The following ANKRD13C variants were observed in gnomAD, a reference collection of about 807,000 sequenced individuals.
ANKRD13C encodes the protein ankyrin repeat domain 13C.
Under a neutral mutation model 65.5 loss-of-function variants are expected in ANKRD13C, and 16 were observed. The observed-to-expected ratio is 0.24, with a 90% CI of 0.17 to 0.37. The LOEUF (loss-of-function observed/expected upper bound fraction) is 0.37, where lower values mean the gene tolerates loss of function less well. ANKRD13C is among the 10% of genes least tolerant of loss of function. The pLI, the probability that ANKRD13C is intolerant of heterozygous loss-of-function variation, is 1.00. For synonymous variants in ANKRD13C, 235 were observed against 238.7 expected, an observed-to-expected ratio of 0.98 and a Z score of 0.14; for missense variants, 503 against 655.9, an observed-to-expected ratio of 0.77 and a Z score of 2.55.
intron 12 of ANKRD13C, among the ~76,000 whole-genome samples, chr1:70,265,542 C>T (rs1678578887): frequency 6.6e-6 from 1 of 151,938 alleles, no homozygotes. Flanking sequence ...ATAATACAGG[C>T]CAGGCACAGT....
intron 9 of ANKRD13C, among the ~76,000 whole-genome samples, chr1:70,283,813 C>T (rs1315234136): frequency 6.7e-6 from 1 of 149,506 alleles, no homozygotes; most frequent in Non-Finnish European, 1.5e-5. Flanking sequence ...GACTCCATCT[C>T]AAAAAAGAAA....
At chr1:70,330,076 G>A (rs535616982) in intron 2 of ANKRD13C, among the ~76,000 whole-genome samples, 15 of 142,206 alleles carry the variant, frequency 1.1e-4, no homozygotes, top group Admixed American at 2.9e-4. Flanking sequence ...GTGGCAGGGC[G>A]ATATTCCGTC....
chr1:70,353,873 G>A, intron 1 of ANKRD13C, 106 bp downstream of exon 1: 1 of 1,378,996 alleles, frequency 7.3e-7, no homozygotes, highest in Middle Eastern at 1.9e-4. Context: ...CGGATGATGG[G>A]CAAAAAGAAG....
intron 5 of ANKRD13C, 72 bp from the exon 6 acceptor site, chr1:70,306,362 A>G: frequency 1.1e-6 from 1 of 912,024 alleles, no homozygotes; most frequent in Non-Finnish European, 1.7e-6. Flanking sequence ...TTTAAATTAA[A>G]AGAGTAATGT....
chr1:70,326,964 A>C (rs1287164387), intron 2 of ANKRD13C, among the ~76,000 whole-genome samples: 1 of 151,436 alleles, frequency 6.6e-6, no homozygotes, highest in Non-Finnish European at 1.5e-5. Flanking sequence ...GCTACCTAAT[A>C]AATGTAGAAG....
At chr1:70,281,178 G>A (rs1679371421) in intron 9 of ANKRD13C, among the ~76,000 whole-genome samples, 1 of 152,054 alleles carries the variant, frequency 6.6e-6, no homozygotes, top group Non-Finnish European at 1.5e-5. Flanking sequence ...TATGACGGAA[G>A]AATAGAGTTA....
intron 6 of ANKRD13C, among the ~76,000 whole-genome samples, chr1:70,301,147 C>G (rs988989067): frequency 1.3e-5 from 2 of 148,952 alleles, no homozygotes; most frequent in Admixed American, 6.6e-5. Context: ...TCTGAATATA[C>G]ATATATATTT....
intron 12 of ANKRD13C, among the ~76,000 whole-genome samples, chr1:70,268,106 G>A (rs890083410): frequency 6.6e-6 from 1 of 152,036 alleles, no homozygotes; most frequent in Non-Finnish European, 1.5e-5. Context: ...ACAACTGAGA[G>A]GAAAAATGCA....
At chr1:70,299,050 T>C (rs1411287664) in intron 7 of ANKRD13C, among the ~76,000 whole-genome samples, 3 of 152,280 alleles carry the variant, frequency 2.0e-5, no homozygotes, top group Non-Finnish European at 1.5e-5. Flanking sequence ...TCAGTAAATG[T>C]AACATTAGAA....
intron 12 of ANKRD13C, among the ~76,000 whole-genome samples, chr1:70,264,772 AATG>A (rs913690911): frequency 7.9e-5 from 12 of 152,196 alleles, no homozygotes; most frequent in Non-Finnish European, 5.9e-5. Context: ...ACAACAAATA[AATG>A]ATGATGACTA....
intron 1 of ANKRD13C, 36 bp downstream of exon 1, chr1:70,353,943 G>A: frequency 4.0e-6 from 6 of 1,483,668 alleles, no homozygotes; most frequent in Non-Finnish European, 5.4e-6. Flanking sequence ...TAGGCTCGGG[G>A]AAGGAGAGAG....
rs1678846685 is a variant in ANKRD13C at position 70,270,803 on chromosome 1, A to G, written c.1495+53T>C. 3 of 1,237,622 alleles carry G rather than the reference A, an allele frequency of 2.4e-6. No individual in the cohort carries two copies. The East Asian group carries it at 7.1e-5, about 29-fold the overall frequency. 76.7% of individuals were successfully genotyped at this position (1,237,622 alleles called of 1,614,324 possible). Reference sequence around the variant, plus strand: ...GAAATTGCTTATTAAATGTTAATAAACAGCTCCATATTCCTAATGGACACT... The same window carrying G: ...GAAATTGCTTATTAAATGTTAATAAGCAGCTCCATATTCCTAATGGACACT... On this transcript the variant is annotated intron_variant, in intron 12 of 12. Transcript: ENST00000370944.
intron 3 of ANKRD13C, among the ~76,000 whole-genome samples, chr1:70,322,758 C>CGAGA (rs1558300242): frequency 6.6e-6 from 1 of 152,006 alleles, no homozygotes; most frequent in African/African-American, 2.4e-5. Context: ...TTTGGGAGGC[C>CGAGA]GAGGCTGGTG....
At chr1:70,318,239 T>G (rs1275977025) in intron 3 of ANKRD13C, among the ~76,000 whole-genome samples, 1 of 152,174 alleles carries the variant, frequency 6.6e-6, no homozygotes, top group Non-Finnish European at 1.5e-5. Context: ...CAATGAAGAT[T>G]AAAATTAGCT....
At chr1:70,286,705 G>C (rs1679636608) in intron 9 of ANKRD13C, among the ~76,000 whole-genome samples, 1 of 152,164 alleles carries the variant, frequency 6.6e-6, no homozygotes, top group Non-Finnish European at 1.5e-5. Context: ...TACAGAATAG[G>C]CCAGGCACGG....
intron 12 of ANKRD13C, among the ~76,000 whole-genome samples, chr1:70,265,824 C>CAAAAAAAA (rs775757290): frequency 4.0e-4 from 14 of 35,408 alleles, no homozygotes; most frequent in African/African-American, 1.1e-3. Context: ...GACCTTGCCT[C>CAAAAAAAA]AAAAAAAAAA....
intron 8 of ANKRD13C, among the ~76,000 whole-genome samples, chr1:70,295,109 T>C (rs1680023221): frequency 6.6e-6 from 1 of 152,134 alleles, no homozygotes; most frequent in Non-Finnish European, 1.5e-5. Context: ...ATTCATTTCA[T>C]TGTGTATAAT....
intron 10 of ANKRD13C, among the ~76,000 whole-genome samples, chr1:70,275,823 T>A (rs941201733): frequency 1.1e-4 from 17 of 151,896 alleles, no homozygotes; most frequent in Non-Finnish European, 2.1e-4. Flanking sequence ...TAGCTGGGCA[T>A]GGTGGAGCGC....
At chr1:70,313,266 C>T (rs1572113410) in intron 5 of ANKRD13C, among the ~76,000 whole-genome samples, 1 of 152,150 alleles carries the variant, frequency 6.6e-6, no homozygotes, top group African/African-American at 2.4e-5. Context: ...TGGTGGCTCA[C>T]TTCTGTAATC....
Sources: allele counts gnomAD v4.1 joint callset (sites outside exome capture counted in the v4.1 genomes callset), GRCh38; gene constraint gnomAD v4.1.1; transcripts MANE v1.5; gene names NCBI Gene and HGNC (gene_info 2026-07-23, HGNC 2026-07-21).